RAPGEF1: variants seen among roughly 807,000 people sequenced by gnomAD.
The protein encoded by RAPGEF1 is CRK SH3-binding GNRP.
Under a neutral mutation model 143.3 loss-of-function variants are expected in RAPGEF1, and 33 were observed. The ratio of observed to expected loss-of-function variants is 0.23; its 90% confidence interval spans 0.17 to 0.31. The LOEUF is 0.31. Ranked by LOEUF, RAPGEF1 falls within the 10% of genes least tolerant of loss-of-function variation. The pLI is 1.00. For synonymous variants in RAPGEF1, 629 were observed against 676.5 expected (o/e 0.93, Z 1.09); for missense variants, 1,199 against 1,645.4 (o/e 0.73, Z 4.69).
chr9:131,625,821 A>G, intron 10 of RAPGEF1, 101 bp downstream of exon 10: 4 of 1,431,088 alleles, frequency 2.8e-6, no homozygotes, highest in Non-Finnish European at 3.8e-6. Context: ...TTATGAAATA[A>G]TGAGGCCACT....
chr9:131,624,508 C>T (rs1290435253), intron 10 of RAPGEF1, among the ~76,000 whole-genome samples: 2 of 152,232 alleles, frequency 1.3e-5, no homozygotes, highest in African/African-American at 2.4e-5. Context: ...TGAGGACCGC[C>T]ACCCACACTT....
At chr9:131,705,966 C>T (rs193259739) in intron 1 of RAPGEF1, among the ~76,000 whole-genome samples, 25 of 152,286 alleles carry the variant, frequency 1.6e-4, no homozygotes, top group African/African-American at 6.0e-4. Flanking sequence ...CTTTGGAATG[C>T]ACTCTGGGCC....
intron 1 of RAPGEF1, among the ~76,000 whole-genome samples, chr9:131,728,314 G>T (rs1048187482): frequency 6.6e-6 from 1 of 152,178 alleles, no homozygotes; most frequent in African/African-American, 2.4e-5. Flanking sequence ...AACACTCTGT[G>T]ATCATTTCAC....
chr9:131,709,984 A>C (rs1337066413), intron 1 of RAPGEF1: 1 of 974,776 alleles, frequency 1.0e-6, no homozygotes, highest in Non-Finnish European at 1.2e-6. Flanking sequence ...TCCTTTTGAC[A>C]CTTTATTACT....
intron 1 of RAPGEF1, among the ~76,000 whole-genome samples, chr9:131,653,953 T>C (rs1277495709): frequency 6.6e-6 from 1 of 152,236 alleles, no homozygotes; most frequent in African/African-American, 2.4e-5. Flanking sequence ...GCAATAAAAA[T>C]AAATTAAGTA....
At chr9:131,706,694 G>A (rs562846374) in intron 1 of RAPGEF1, among the ~76,000 whole-genome samples, 3 of 152,214 alleles carry the variant, frequency 2.0e-5, no homozygotes, top group South Asian at 2.1e-4. Context: ...CTGTTATTTC[G>A]GCTCTTCAGC....
intron 1 of RAPGEF1, among the ~76,000 whole-genome samples, chr9:131,721,375 T>C (rs1468602400): frequency 1.3e-5 from 2 of 152,140 alleles, no homozygotes; most frequent in African/African-American, 4.8e-5. Flanking sequence ...CAGGGTAATT[T>C]TCCTCTGGTG....
chr9:131,597,594 G>A (rs1955520029), intron 16 of RAPGEF1, among the ~76,000 whole-genome samples: 1 of 152,228 alleles, frequency 6.6e-6, no homozygotes, highest in Non-Finnish European at 1.5e-5. Context: ...CACGGCAGGA[G>A]GGAGAGGCAG....
At chr9:131,629,327 G>C in intron 6 of RAPGEF1, 73 bp from the exon 7 acceptor site, 1 of 1,439,554 alleles carries the variant, frequency 6.9e-7, no homozygotes, top group Admixed American at 1.8e-5. Flanking sequence ...CCCTGAGAGG[G>C]TGAGGACGTG....
At chr9:131,625,560 C>T (rs1032575885) in intron 10 of RAPGEF1, among the ~76,000 whole-genome samples, 4 of 77,986 alleles carry the variant, frequency 5.1e-5, no homozygotes, top group South Asian at 7.2e-4. Context: ...GTATCCACCT[C>T]GCTCTACACA....
intron 19 of RAPGEF1, among the ~76,000 whole-genome samples, chr9:131,589,481 G>A (rs537583619): frequency 6.6e-6 from 1 of 152,366 alleles, no homozygotes; most frequent in East Asian, 1.9e-4. Flanking sequence ...GAACGGATAT[G>A]GCCAAGTGCC....
In RAPGEF1 at chr9:131,641,933, AC is replaced by A. The variant is rs1351467921; in HGVS notation, c.494+1305del. ...TTGCTTTATCCCCCAGAAGAAGAAA[AC>A]TATGAACTTCATTGCCAAGTTCTGA... On this transcript the variant is annotated intron_variant, in intron 4 of 26. Transcript: ENST00000683357. This position sits in a 1 kb window ranked among gnomAD's most constrained non-coding sequence, Gnocchi z 4.6. 2.6e-5 allele frequency among the ~76,000 whole-genome samples: 4 copies of A among 152,236 alleles called. No individual in the cohort carries two copies. The highest frequency in any genetic ancestry group is 4.4e-5 in the Non-Finnish European group (3 of 68,046).
intron 1 of RAPGEF1, among the ~76,000 whole-genome samples, chr9:131,683,512 TC>T (rs1833088218): frequency 1.3e-5 from 2 of 152,186 alleles, no homozygotes; most frequent in Non-Finnish European, 2.9e-5. Context: ...CTGTTATAAT[TC>T]CAAAAAATTG....
Position 131,733,593 on chromosome 9 carries a change from G to A in RAPGEF1, c.61+6177C>T, listed in dbSNP as rs544757107. On this transcript the variant is annotated intron_variant, in intron 1 of 26. Transcript: ENST00000683357. ...ACAGATCCCTTAATAATTCACAAAC[G>A]GTGGGTTTTATTTATTTACTCATAA... Among the ~76,000 whole-genome samples the A allele has an allele frequency of 4.2e-4, 64 of 152,182 alleles. No homozygotes were observed. The East Asian group carries it at 0.011, about 27-fold the overall frequency.
intron 1 of RAPGEF1, among the ~76,000 whole-genome samples, chr9:131,678,141 G>A (rs1423598577): frequency 6.6e-6 from 1 of 152,170 alleles, no homozygotes; most frequent in African/African-American, 2.4e-5. Flanking sequence ...AAAACACTAA[G>A]CACACAGCAA....
chr9:131,599,131 G>GT (rs56003715), intron 15 of RAPGEF1, among the ~76,000 whole-genome samples: 42,837 of 115,126 alleles, frequency 0.37, 6,356 homozygotes, highest in Admixed American at 0.43. Flanking sequence ...CCACTTATTT[G>GT]TTTTTTTTTT....
chr9:131,639,353 G>A (rs947181174), intron 4 of RAPGEF1, among the ~76,000 whole-genome samples: 8 of 152,072 alleles, frequency 5.3e-5, no homozygotes, highest in African/African-American at 1.2e-4. Context: ...AGGAGCGCAC[G>A]AATGAAGACT....
At chr9:131,704,105 T>C (rs989736256) in intron 1 of RAPGEF1, among the ~76,000 whole-genome samples, 1 of 151,990 alleles carries the variant, frequency 6.6e-6, no homozygotes, top group Admixed American at 6.6e-5. Flanking sequence ...ATTAATCTCA[T>C]TTAGAGATCA....
chr9:131,737,466 G>GT, intron 1 of RAPGEF1: 3 of 1,613,820 alleles, frequency 1.9e-6, no homozygotes, highest in Non-Finnish European at 2.5e-6. Flanking sequence ...AACTGTGCTA[G>GT]GTTAGACAAG....
Sources: gnomAD v4.1 joint callset for allele counts (sites outside exome capture counted in the v4.1 genomes callset) on GRCh38, gnomAD v4.1.1 for gene constraint, Gnocchi (gnomAD v3.1) non-coding constraint, MANE v1.5 for transcripts, NCBI Gene and HGNC (gene_info 2026-07-23, HGNC 2026-07-21) for gene names.